The following KYAT3 variants were observed in gnomAD, a reference collection of about 807,000 sequenced individuals.
KYAT3 encodes the protein kynurenine aminotransferase 3, also known as kynurenine--oxoglutarate transaminase 3.
Under a neutral mutation model 59.0 loss-of-function variants are expected in KYAT3, and 50 were observed. That is an observed-to-expected ratio of 0.85 (90% CI 0.68 to 1.07). KYAT3 has a LOEUF of 1.07. KYAT3 is among the 50% of genes least tolerant of loss of function. The pLI is 0.00. For synonymous variants in KYAT3, 148 were observed against 177.0 expected (o/e 0.84, Z 1.30); for missense variants, 497 against 533.3 (o/e 0.93, Z 0.67).
At chr1:88,931,262 G>T (rs1674901480), downstream of KYAT3, among the ~76,000 whole-genome samples, 1 of 152,138 alleles carries the variant, frequency 6.6e-6, no homozygotes, top group Admixed American at 6.5e-5. Flanking sequence ...CTCCTGCACT[G>T]CAGGCCATAT....
chr1:88,964,257 C>T (rs1206642826), intron 5 of KYAT3, among the ~76,000 whole-genome samples: 3 of 152,154 alleles, frequency 2.0e-5, no homozygotes, highest in Non-Finnish European at 2.9e-5. Context: ...TATACAATTA[C>T]TGGGCACACA....
At chr1:88,988,077 C>G (rs944258541) in intron 2 of KYAT3, among the ~76,000 whole-genome samples, 175 bp downstream of exon 2, 1 of 152,160 alleles carries the variant, frequency 6.6e-6, no homozygotes, top group Non-Finnish European at 1.5e-5. Context: ...CACAGACAGG[C>G]AAGCAGTTGC....
intron 4 of KYAT3, 77 bp downstream of exon 4, chr1:88,968,593 G>A (rs540616206): frequency 5.5e-5 from 63 of 1,148,086 alleles, no homozygotes; most frequent in Non-Finnish European, 7.4e-5. Context: ...AATGACAGAA[G>A]GGCACATGCA....
chr1:88,973,276 G>A (rs1025563907), intron 2 of KYAT3, among the ~76,000 whole-genome samples: 1 of 152,168 alleles, frequency 6.6e-6, no homozygotes, highest in Non-Finnish European at 1.5e-5. Context: ...CAAACAATGA[G>A]GGAATAAACT....
chr1:88,957,254 A>C (rs1244313013), intron 8 of KYAT3, among the ~76,000 whole-genome samples: 1 of 152,230 alleles, frequency 6.6e-6, no homozygotes, highest in Non-Finnish European at 1.5e-5. Flanking sequence ...CCACTTGAAG[A>C]AGGAATACTT....
chr1:88,936,699 C>T (rs1021457942), intron 13 of KYAT3, among the ~76,000 whole-genome samples: 3 of 152,172 alleles, frequency 2.0e-5, no homozygotes, highest in Non-Finnish European at 2.9e-5. Context: ...CTACTCTGCC[C>T]CTTGCTTTCA....
At chr1:88,934,911 A>T (rs146042620), downstream of KYAT3, among the ~76,000 whole-genome samples, 59 of 152,220 alleles carry the variant, frequency 3.9e-4, 1 homozygote, top group African/African-American at 1.3e-3. Context: ...GGATCTTAGT[A>T]GATTCTAATG....
chr1:88,930,582 A>G, the KYAT3 span, among the ~76,000 whole-genome samples: 7 of 148,594 alleles, frequency 4.7e-5, no homozygotes, highest in Middle Eastern at 3.6e-3. Context: ...GGAATACTTG[A>G]AAGTAATTCC....
intron 1 of KYAT3, among the ~76,000 whole-genome samples, chr1:88,990,771 T>A (rs1677749253): frequency 6.6e-6 from 1 of 152,200 alleles, no homozygotes; most frequent in African/African-American, 2.4e-5. Context: ...AAATGCAGAC[T>A]CAGAACCTTT....
chr1:88,922,679 A>G, the KYAT3 span, among the ~76,000 whole-genome samples: 1 of 152,194 alleles, frequency 6.6e-6, no homozygotes, highest in African/African-American at 2.4e-5. Context: ...TGTTTTCCAT[A>G]AAACCGGTCC....
At chr1:88,933,860 A>G (rs1238695231), downstream of KYAT3, among the ~76,000 whole-genome samples, 4 of 152,268 alleles carry the variant, frequency 2.6e-5, no homozygotes, top group African/African-American at 9.6e-5. Context: ...TTCCTTCTAG[A>G]TGGCTGGGCC....
Position 88,964,890 on chromosome 1 carries a change from G to C in KYAT3, c.392C>G (p.Thr131Arg). The change falls in exon 5 of 14, where the codon ACA becomes AGA. Residue 131 changes from threonine (T) to arginine (R), a missense_variant. By Grantham distance (71) the Thr-to-Arg change is moderately conservative. Coordinates refer to ENST00000260508, the MANE Select transcript of KYAT3 (RefSeq NM_001008661.3). ...AAAAAGAGATCCATATGCTCCTACTGTCACAAGGATTTCTTTATTTGAATC... is the reference window on the plus strand; with the variant it reads ...AAAAAGAGATCCATATGCTCCTACTCTCACAAGGATTTCTTTATTTGAATC... Reference protein sequence around the residue: ...QIDSNKEILVTVGAYGSLFNT... With the variant: ...QIDSNKEILVRVGAYGSLFNT... The C allele has an allele frequency of 6.2e-7, 1 of 1,609,002 alleles. No individual in the cohort carries two copies. The highest frequency in any genetic ancestry group is 1.1e-5 in the South Asian group (1 of 89,870).
At chr1:88,937,123 G>C (rs1570767210) in intron 13 of KYAT3, among the ~76,000 whole-genome samples, 1 of 152,190 alleles carries the variant, frequency 6.6e-6, no homozygotes, top group Admixed American at 6.5e-5. Flanking sequence ...GATGAGGCAG[G>C]CATCTGGCAT....
chr1:88,980,886 G>A (rs1677051381), intron 2 of KYAT3: 1 of 152,200 alleles, frequency 6.6e-6, no homozygotes. Context: ...CTTGTGGTCT[G>A]TGATTAGTAG....
intron 2 of KYAT3, chr1:88,982,431 A>G: frequency 1.0e-6 from 1 of 970,966 alleles, no homozygotes; most frequent in South Asian, 1.9e-5. Flanking sequence ...CACATTTAAC[A>G]TTTGCTTGTT....
downstream of KYAT3, among the ~76,000 whole-genome samples, chr1:88,935,497 C>A (rs957862238): frequency 2.0e-5 from 3 of 152,200 alleles, no homozygotes; most frequent in African/African-American, 7.2e-5. Context: ...ATCATAAAAG[C>A]CTCAGGGAGC....
chr1:88,944,652 A>G (rs1675369024), intron 11 of KYAT3, among the ~76,000 whole-genome samples: 1 of 152,190 alleles, frequency 6.6e-6, no homozygotes, highest in Non-Finnish European at 1.5e-5. Flanking sequence ...AATACCAGCT[A>G]AAAAACTTAG....
intron 13 of KYAT3, among the ~76,000 whole-genome samples, chr1:88,937,027 T>G (rs1345753585): frequency 6.6e-6 from 1 of 152,192 alleles, no homozygotes; most frequent in Non-Finnish European, 1.5e-5. Flanking sequence ...TAGTGCTGGC[T>G]GGAACAGGAT....
chr1:88,965,967 G>A (rs1427471730), intron 4 of KYAT3, among the ~76,000 whole-genome samples: 1 of 152,172 alleles, frequency 6.6e-6, no homozygotes, highest in East Asian at 1.9e-4. Context: ...AATGATAAGT[G>A]TTTGTGCTTT....
Sources: allele counts gnomAD v4.1 joint callset (sites outside exome capture counted in the v4.1 genomes callset), GRCh38; gene constraint gnomAD v4.1.1; transcripts MANE v1.5; gene names NCBI Gene and HGNC (gene_info 2026-07-23, HGNC 2026-07-21).